The following MARK1 variants were observed in gnomAD, a reference collection of about 807,000 sequenced individuals.
The protein encoded by MARK1 is serine/threonine-protein kinase MARK1.
MARK1 carries 40 observed loss-of-function variants against 96.3 expected under a neutral mutation model. The observed-to-expected ratio is 0.42, with a 90% CI of 0.32 to 0.54. The LOEUF is 0.54. Among genes scored for constraint, MARK1 ranks in the 20% least tolerant of loss-of-function variants. The pLI, the probability that MARK1 is intolerant of heterozygous loss-of-function variation, is 0.16. For missense variants in MARK1, 719 were observed against 984.6 expected, an observed-to-expected ratio of 0.73 and a Z score of 3.61; for synonymous variants, 317 against 341.2, an observed-to-expected ratio of 0.93 and a Z score of 0.78.
At chr1:220,644,462 C>A (rs1441806092) in intron 13 of MARK1, among the ~76,000 whole-genome samples, 14 of 92,268 alleles carry the variant, frequency 1.5e-4, no homozygotes, top group Admixed American at 1.4e-3. Context: ...CCCCCCCCCC[C>A]ACACACACAC....
chr1:220,586,028 G>GCGC (rs1558278516), intron 3 of MARK1, among the ~76,000 whole-genome samples: 1 of 93,242 alleles, frequency 1.1e-5, no homozygotes, highest in East Asian at 4.2e-4. Flanking sequence ...CGTGCGCAGA[G>GCGC]AGAGAGAGTT....
rs1406107394 is a variant in MARK1, at chr1:220,662,187, T to A, written c.*21T>A. ...TGTAAAGAAGTCCAAATTTACAGGTTCAGGGAAGATACATACATATATGAG... is the reference window on the plus strand; with the variant it reads ...TGTAAAGAAGTCCAAATTTACAGGTACAGGGAAGATACATACATATATGAG... On this transcript the variant is annotated 3_prime_UTR_variant, in exon 18 of 18. Coordinates refer to ENST00000366917, the MANE Select transcript of MARK1 (RefSeq NM_018650.5). The A allele has an allele frequency of 1.3e-6, 2 of 1,564,424 alleles. No individual in the cohort carries two copies. The highest frequency in any genetic ancestry group is 3.4e-5 in the Admixed American group (2 of 59,488).
chr1:220,660,061 C>G (rs148533721), intron 17 of MARK1, among the ~76,000 whole-genome samples: 50 of 152,320 alleles, frequency 3.3e-4, no homozygotes, highest in African/African-American at 1.1e-3. Flanking sequence ...GCTGAGATTA[C>G]AGGTGTGAGC....
At chr1:220,620,076 G>A (rs1309632742) in intron 9 of MARK1, among the ~76,000 whole-genome samples, 1 of 152,138 alleles carries the variant, frequency 6.6e-6, no homozygotes. Context: ...GAAGTTAAGG[G>A]ATGGCGACTT....
At chr1:220,635,290 AT>A in intron 11 of MARK1, 85 bp from the exon 12 acceptor site, 2 of 1,273,042 alleles carry the variant, frequency 1.6e-6, no homozygotes, top group Non-Finnish European at 2.1e-6. Context: ...GCTTTAAGTC[AT>A]TTAGAAAATC....
At chr1:220,646,619 A>G (rs796239321) in intron 13 of MARK1, among the ~76,000 whole-genome samples, 38 of 152,334 alleles carry the variant, frequency 2.5e-4, no homozygotes, top group African/African-American at 8.4e-4. Context: ...AGCAAAAACA[A>G]AGCCAGAGGC....
intron 3 of MARK1, among the ~76,000 whole-genome samples, chr1:220,584,391 A>G (rs577291197): frequency 1.3e-5 from 2 of 152,226 alleles, no homozygotes; most frequent in Non-Finnish European, 2.9e-5. Flanking sequence ...GTTTTATAGA[A>G]TGTGAATCGC....
intron 7 of MARK1, 80 bp downstream of exon 7, chr1:220,616,075 A>AT: frequency 2.9e-6 from 2 of 689,812 alleles, no homozygotes; most frequent in Non-Finnish European, 4.8e-6. Flanking sequence ...AGAGCTGTCT[A>AT]TTTTATTGCC....
At chr1:220,626,280 G>T in intron 9 of MARK1, 1 of 534,798 alleles carries the variant, frequency 1.9e-6, no homozygotes. Context: ...ACGGCGATGG[G>T]ATGGAAGAGG....
intron 1 of MARK1, among the ~76,000 whole-genome samples, chr1:220,553,432 C>T (rs1662016753): frequency 6.6e-6 from 1 of 152,128 alleles, no homozygotes; most frequent in Non-Finnish European, 1.5e-5. Context: ...ATCACCAGGT[C>T]CTAGGGAACT....
At chr1:220,565,677 CTTG>C (rs1663000457) in intron 1 of MARK1, among the ~76,000 whole-genome samples, 1 of 152,088 alleles carries the variant, frequency 6.6e-6, no homozygotes, top group Non-Finnish European at 1.5e-5. Context: ...GGAAACTGGC[CTTG>C]TTGTAGTAGC....
chr1:220,607,715 A>G (rs1370368283), intron 6 of MARK1, among the ~76,000 whole-genome samples: 1 of 152,128 alleles, frequency 6.6e-6, no homozygotes, highest in African/African-American at 2.4e-5. Context: ...AGCTCTTATT[A>G]TTTTGAGATA....
At chr1:220,584,949 A>T (rs113375749) in intron 3 of MARK1, among the ~76,000 whole-genome samples, 5 of 152,256 alleles carry the variant, frequency 3.3e-5, no homozygotes, top group African/African-American at 1.2e-4. Flanking sequence ...TCTTTCATAC[A>T]GTTCTTGTCA....
chr1:220,569,957 T>C (rs1232987246), intron 1 of MARK1, among the ~76,000 whole-genome samples: 2 of 152,014 alleles, frequency 1.3e-5, no homozygotes, highest in Admixed American at 1.3e-4. Flanking sequence ...ACATGTGAAG[T>C]TGAAATAAGA....
chr1:220,648,485 A>G (rs1342444093), intron 13 of MARK1, among the ~76,000 whole-genome samples: 1 of 152,218 alleles, frequency 6.6e-6, no homozygotes, highest in Non-Finnish European at 1.5e-5. Context: ...TCCTTGGGGA[A>G]ATACAACTGA....
At chr1:220,598,850 G>C (rs560753878) in intron 4 of MARK1, among the ~76,000 whole-genome samples, 3 of 152,030 alleles carry the variant, frequency 2.0e-5, no homozygotes, top group Admixed American at 1.3e-4. Context: ...GTGATGGTGC[G>C]CACCTGTAGG....
At chr1:220,554,659 C>CAGTT in intron 1 of MARK1, among the ~76,000 whole-genome samples, 1 of 152,286 alleles carries the variant, frequency 6.6e-6, no homozygotes, top group East Asian at 1.9e-4. Context: ...AAAGCATTTG[C>CAGTT]AGTTCATCAG....
intron 1 of MARK1, among the ~76,000 whole-genome samples, chr1:220,552,190 C>T (rs1661910597): frequency 6.6e-6 from 1 of 152,108 alleles, no homozygotes; most frequent in Non-Finnish European, 1.5e-5. Context: ...TTTAATGGAC[C>T]ATTACTATGA....
chr1:220,577,876 G>T (rs956309633), intron 1 of MARK1, among the ~76,000 whole-genome samples: 1 of 152,174 alleles, frequency 6.6e-6, no homozygotes, highest in Admixed American at 6.5e-5. Context: ...ACCCCAAAGC[G>T]CATCCAACAC....
Sources: gnomAD v4.1 joint callset for allele counts (sites outside exome capture counted in the v4.1 genomes callset) on GRCh38, gnomAD v4.1.1 for gene constraint, MANE v1.5 for transcripts, NCBI Gene and HGNC (gene_info 2026-07-23, HGNC 2026-07-21) for gene names.